MTR: variants seen among roughly 807,000 people sequenced by gnomAD.
MTR encodes methionine synthase.
MTR carries 84 observed loss-of-function variants against 154.8 expected under a neutral mutation model. That is an observed-to-expected ratio of 0.54 (90% confidence interval 0.45 to 0.65). The LOEUF (loss-of-function observed/expected upper bound fraction) is 0.65. MTR is among the 30% of genes least tolerant of loss of function. MTR has a pLI of 0.00. For missense variants in MTR, 1,275 were observed against 1,570.2 expected (o/e 0.81, Z 3.18); for synonymous variants, 554 against 553.9 (o/e 1.00, Z 0.00).
At chr1:236,814,860 T>C (rs150063390) in intron 6 of MTR, among the ~76,000 whole-genome samples, 5 of 152,304 alleles carry the variant, frequency 3.3e-5, no homozygotes, top group African/African-American at 7.2e-5. Flanking sequence ...AATTCTGATA[T>C]TATTGATTTA....
rs1244318988 is a variant in MTR at position 236,835,661 on chromosome 1, A to G, written c.1303A>G (p.Ile435Val). 1 of 1,611,994 alleles carries G rather than the reference A, an allele frequency of 6.2e-7. No homozygotes were observed. Among genetic ancestry groups the G allele is most frequent in the East Asian group, 2.2e-5 (1 of 44,852 alleles). ...PSAMTRFCNL[I>V]ASEPDIAKVP... The stretch of plus-strand genomic sequence containing the variant: ...TGCAATGACCAGATTTTGCAACTTA[A>G]TTGCTTCCGAGCCAGACATCGCAAA... Residue 435 changes from isoleucine (I) to valine (V), a missense_variant, in exon 14 of 33, where the codon ATT (isoleucine) becomes GTT (valine). Coordinates refer to ENST00000366577, the MANE Select transcript of MTR (RefSeq NM_000254.3).
chr1:236,830,422 AT>A (rs1228323955), intron 12 of MTR, among the ~76,000 whole-genome samples: 5 of 152,224 alleles, frequency 3.3e-5, no homozygotes, highest in Admixed American at 2.0e-4. Flanking sequence ...ATTAAAAAAA[AT>A]AATTTATATG....
chr1:236,886,367 G>C lies in MTR; in HGVS notation c.2851G>C (p.Val951Leu). ...QMDWLSEPHP[V>L]KPTFIGTQVF... The stretch of plus-strand genomic sequence containing the variant: ...GGATTGGCTGTCTGAACCTCACCCA[G>C]GTCTGTTTGGCTATGGACTAGAGAA... The change falls in exon 27 of 33, where the codon GTG becomes CTG. Residue 951 changes from valine (V) to leucine (L), a missense_variant and splice_region_variant. Coordinates refer to ENST00000366577, the MANE Select transcript of MTR (RefSeq NM_000254.3). The C allele has an allele frequency of 6.2e-7, 1 of 1,614,044 alleles. No individual in the cohort carries two copies. The highest frequency in any genetic ancestry group is 8.5e-7 in the Non-Finnish European group (1 of 1,179,932).
chr1:236,841,468 C>A (rs1017572759), intron 15 of MTR, among the ~76,000 whole-genome samples: 2 of 152,202 alleles, frequency 1.3e-5, no homozygotes, highest in Non-Finnish European at 2.9e-5. Flanking sequence ...TAGCCAGACA[C>A]ATTAAGAGGA....
At chr1:236,860,670 A>G (rs1422721302) in intron 19 of MTR, among the ~76,000 whole-genome samples, 1 of 152,188 alleles carries the variant, frequency 6.6e-6, no homozygotes, top group African/African-American at 2.4e-5. Flanking sequence ...ACAGGCATTT[A>G]TTAATGTATA....
intron 2 of MTR, among the ~76,000 whole-genome samples, chr1:236,805,783 C>A (rs1660947779): frequency 6.6e-6 from 1 of 152,166 alleles, no homozygotes; most frequent in African/African-American, 2.4e-5. Flanking sequence ...CAAGCGTGAG[C>A]CACCATGCCT....
rs1331095932 is a variant in MTR at position 236,843,617 on chromosome 1, C to G, written c.1515+5018C>G. ...AATGTTAGAGTTTATTGCTGTAATTCAGATGAGATATGGTGATGGTTAGGG... is the reference window on the plus strand; with the variant it reads ...AATGTTAGAGTTTATTGCTGTAATTGAGATGAGATATGGTGATGGTTAGGG... On this transcript the variant is annotated intron_variant, in intron 15 of 32. Transcript: ENST00000366577. 4.6e-5 allele frequency among the ~76,000 whole-genome samples: 7 copies of G among 152,262 alleles called. No homozygotes were observed. The South Asian group carries it at 1.0e-3, about 23-fold the overall frequency.
chr1:236,806,506 G>A (rs753252190), intron 3 of MTR, among the ~76,000 whole-genome samples: 6 of 152,252 alleles, frequency 3.9e-5, no homozygotes, highest in South Asian at 4.2e-4. Flanking sequence ...ATAATCATTG[G>A]CCGTATGCAC....
At chr1:236,894,778 G>A in intron 30 of MTR, 1 of 582,640 alleles carries the variant, frequency 1.7e-6, no homozygotes, top group Admixed American at 3.0e-5. Flanking sequence ...ACCTTGAATG[G>A]TGCCACAGTT....
chr1:236,886,279 T>G lies in MTR; in HGVS notation c.2776-13T>G. The G allele has an allele frequency of 6.2e-7, 1 of 1,612,866 alleles. No homozygotes were observed. The highest frequency in any genetic ancestry group is 8.5e-7 in the Non-Finnish European group (1 of 1,179,296). ...TAAGAGTGTCTAACTAATTTTTCTT[T>G]GTTTTTTAACAGGAGAGGAGATACT... is the stretch of plus-strand genomic sequence containing the variant. On this transcript the variant is annotated splice_polypyrimidine_tract_variant and intron_variant, in intron 26 of 32. Transcript: ENST00000366577.
chr1:236,805,766 A>G (rs539874850), intron 2 of MTR, among the ~76,000 whole-genome samples: 12 of 152,146 alleles, frequency 7.9e-5, no homozygotes, highest in South Asian at 2.1e-4. Context: ...CCAAAGTGCT[A>G]TGATTACAAG....
intron 19 of MTR, among the ~76,000 whole-genome samples, 155 bp downstream of exon 19, chr1:236,860,077 CCCCCCCCCCCCCCA>C: frequency 1.1e-4 from 1 of 9,152 alleles, no homozygotes; most frequent in South Asian, 0.013. Context: ...CTGCCCCCCC[CCCCCCCCCCCCCCA>C]CCATAGCACA....
At chr1:236,861,355 T>A in intron 20 of MTR, 78 bp downstream of exon 20, 3 of 1,594,742 alleles carry the variant, frequency 1.9e-6, no homozygotes. Context: ...TGGGATATAT[T>A]TCTCAGGTTT....
intron 5 of MTR, among the ~76,000 whole-genome samples, chr1:236,811,158 C>T (rs2103041464): frequency 6.6e-6 from 1 of 152,210 alleles, no homozygotes; most frequent in South Asian, 2.1e-4. Flanking sequence ...AAAGAGAAAG[C>T]TTGTACAGGG....
chr1:236,892,862 A>G (rs1049996761), intron 29 of MTR, among the ~76,000 whole-genome samples: 4 of 152,168 alleles, frequency 2.6e-5, no homozygotes, highest in Non-Finnish European at 4.4e-5. Flanking sequence ...TTTCAGTACC[A>G]TTCATGTCCG....
chr1:236,856,545 T>G (rs1664217270), intron 18 of MTR, among the ~76,000 whole-genome samples: 1 of 151,886 alleles, frequency 6.6e-6, no homozygotes, highest in African/African-American at 2.4e-5. Context: ...TATTATTATT[T>G]TTATACTTTA....
intron 22 of MTR, among the ~76,000 whole-genome samples, chr1:236,870,848 C>T (rs1665085328): frequency 6.6e-6 from 1 of 152,198 alleles, no homozygotes; most frequent in Admixed American, 6.5e-5. Context: ...CTTCATTTTT[C>T]TTGCTGCTCA....
chr1:236,897,333 CACACACACACAT>C (rs912878990), intron 32 of MTR, among the ~76,000 whole-genome samples: 3 of 151,008 alleles, frequency 2.0e-5, no homozygotes, highest in African/African-American at 7.4e-5. Context: ...CACACACACA[CACACACACACAT>C]ACAGCTTCTA....
rs913744658 is a variant in MTR at position 236,873,924 on chromosome 1, T to C, written c.2473+84T>C. On this transcript the variant is annotated intron_variant, in intron 23 of 32. Coordinates refer to ENST00000366577, the MANE Select transcript of MTR (RefSeq NM_000254.3). Reference sequence around the variant, plus strand: ...ATTTCCCTAGTTGTCTGTCAGTGAATAGTGATGCCCCATGAGGGTTCTGTG... The same window carrying C: ...ATTTCCCTAGTTGTCTGTCAGTGAACAGTGATGCCCCATGAGGGTTCTGTG... 6.1e-6 allele frequency: 8 copies of C among 1,319,418 alleles called. No individual in the cohort carries two copies. The African/African-American group carries it at 1.0e-4, about 17-fold the overall frequency. The allele number at this position is 1,319,418 out of a possible 1,614,324, so 81.7% of individuals were successfully genotyped here. A position where few individuals can be genotyped will look rare whatever the true frequency, so the allele number is the denominator to read the frequency against.
Sources: gnomAD v4.1 joint callset for allele counts (sites outside exome capture counted in the v4.1 genomes callset) on GRCh38, gnomAD v4.1.1 for gene constraint, MANE v1.5 for transcripts, NCBI Gene and HGNC (gene_info 2026-07-23, HGNC 2026-07-21) for gene names.